Variants in CDK17 observed in about 807,000 individuals in gnomAD.
CDK17 encodes cyclin dependent kinase 17, also known as cyclin-dependent kinase 17.
CDK17 carries 24 observed loss-of-function variants against 77.6 expected under a neutral mutation model. That is an observed-to-expected ratio of 0.31 (90% CI 0.22 to 0.44). CDK17 has a LOEUF of 0.44. Ranked by LOEUF, CDK17 falls within the 20% of genes least tolerant of loss-of-function variation. The probability of loss-of-function intolerance (pLI) is 1.00; values close to 1 mark genes in which losing one functional copy is unlikely to be tolerated. For synonymous variants in CDK17, 203 were observed against 210.4 expected, an observed-to-expected ratio of 0.96 and a Z score of 0.30; for missense variants, 429 against 622.5, an observed-to-expected ratio of 0.69 and a Z score of 3.31.
chr12:96,296,251 T>C (rs1209151048), intron 9 of CDK17, among the ~76,000 whole-genome samples: 1 of 152,096 alleles, frequency 6.6e-6, no homozygotes, highest in Non-Finnish European at 1.5e-5. Flanking sequence ...ATTTTCAAAT[T>C]ATTGCCAATA....
At chr12:96,304,304 C>T (rs796373009) in intron 5 of CDK17, among the ~76,000 whole-genome samples, 6 of 152,164 alleles carry the variant, frequency 3.9e-5, no homozygotes, top group African/African-American at 9.6e-5. Context: ...TTTCGGAGGC[C>T]GAGAAGGGCG....
chr12:96,353,629 T>C (rs1338145292), intron 1 of CDK17, among the ~76,000 whole-genome samples: 1 of 150,282 alleles, frequency 6.7e-6, no homozygotes, highest in African/African-American at 2.4e-5. Context: ...GGTACAAATA[T>C]TTTAGTATTA....
At chr12:96,339,804 C>A (rs1364978385) in intron 1 of CDK17, among the ~76,000 whole-genome samples, 1 of 151,834 alleles carries the variant, frequency 6.6e-6, no homozygotes, top group African/African-American at 2.4e-5. Context: ...GTGGTGCACG[C>A]CTGTAATCCT....
chr12:96,283,449 T>G (rs371487181), intron 14 of CDK17, among the ~76,000 whole-genome samples, 154 bp downstream of exon 14: 2 of 19,536 alleles, frequency 1.0e-4, no homozygotes, highest in African/African-American at 8.1e-4. Flanking sequence ...GAAACCATGT[T>G]TTTTTTTTTT....
intron 5 of CDK17, among the ~76,000 whole-genome samples, chr12:96,304,320 T>C (rs1192497334): frequency 1.3e-5 from 2 of 152,154 alleles, no homozygotes; most frequent in African/African-American, 4.8e-5. Context: ...GGGCGGATCA[T>C]GAGGTCAGGA....
intron 1 of CDK17, among the ~76,000 whole-genome samples, chr12:96,372,166 A>C (rs2137209861): frequency 6.6e-6 from 1 of 152,290 alleles, no homozygotes; most frequent in Non-Finnish European, 1.5e-5. Context: ...TATAAGACAA[A>C]TTCTACTAAG....
intron 1 of CDK17, among the ~76,000 whole-genome samples, chr12:96,369,818 C>G (rs909070975): frequency 6.8e-6 from 1 of 148,038 alleles, no homozygotes; most frequent in Non-Finnish European, 1.5e-5. Context: ...CGGTGGCTCA[C>G]GCCTGTAATC....
chr12:96,336,142 AT>A (rs1339726397), intron 1 of CDK17, among the ~76,000 whole-genome samples: 1 of 152,092 alleles, frequency 6.6e-6, no homozygotes, highest in Non-Finnish European at 1.5e-5. Flanking sequence ...ATAATTTTAT[AT>A]TTTACTACTT....
intron 1 of CDK17, among the ~76,000 whole-genome samples, chr12:96,378,939 C>T (rs7307534): frequency 0.63 from 95,582 of 152,006 alleles, 30,769 homozygotes; most frequent in East Asian, 0.83. Flanking sequence ...AATAAGACTT[C>T]GTGTACATCT....
At chr12:96,286,169 AAATAT>A (rs1952244470) in intron 12 of CDK17, 21 bp from the exon 13 acceptor site, 1 of 674,914 alleles carries the variant, frequency 1.5e-6, no homozygotes, top group Admixed American at 3.3e-5. Flanking sequence ...AAAAAAAATT[AAATAT>A]ATTTATAAAT....
chr12:96,381,820 A>T (rs947278735), intron 1 of CDK17, among the ~76,000 whole-genome samples: 23 of 152,170 alleles, frequency 1.5e-4, no homozygotes, highest in African/African-American at 4.1e-4. Flanking sequence ...AGAAAAAATT[A>T]AAAAAAGAAG....
intron 1 of CDK17, among the ~76,000 whole-genome samples, chr12:96,386,216 A>ACC (rs1953971852): frequency 6.6e-6 from 1 of 152,176 alleles, no homozygotes; most frequent in Non-Finnish European, 1.5e-5. Context: ...GGCTTGTCTT[A>ACC]AACACCTGGG....
intron 1 of CDK17, among the ~76,000 whole-genome samples, chr12:96,346,177 G>A (rs2137162465): frequency 6.6e-6 from 1 of 152,258 alleles, no homozygotes; most frequent in South Asian, 2.1e-4. Flanking sequence ...AATTGGCCAG[G>A]TGCAGTGGCT....
intron 5 of CDK17, among the ~76,000 whole-genome samples, chr12:96,301,456 G>A (rs1228084468): frequency 1.3e-5 from 2 of 151,990 alleles, no homozygotes; most frequent in African/African-American, 4.8e-5. Flanking sequence ...AGGAAAATTT[G>A]TTTTTAGATA....
chr12:96,340,691 C>CA (rs1953109504), intron 1 of CDK17, among the ~76,000 whole-genome samples: 1 of 152,182 alleles, frequency 6.6e-6, no homozygotes, highest in Admixed American at 6.5e-5. Context: ...CTACTACTTA[C>CA]ACTGGCTTTA....
intron 1 of CDK17, among the ~76,000 whole-genome samples, chr12:96,360,359 A>T (rs1287691658): frequency 6.6e-6 from 1 of 152,180 alleles, no homozygotes; most frequent in Non-Finnish European, 1.5e-5. Context: ...GTTTTACAAG[A>T]GCTGGTAAGA....
At chr12:96,335,858 G>A (rs894283858) in intron 1 of CDK17, among the ~76,000 whole-genome samples, 1 of 152,118 alleles carries the variant, frequency 6.6e-6, no homozygotes. Context: ...TCTATGATGA[G>A]CTGGCTTACC....
At chr12:96,299,371 A>C (rs1229515430) in intron 6 of CDK17, among the ~76,000 whole-genome samples, 1 of 149,158 alleles carries the variant, frequency 6.7e-6, no homozygotes, top group East Asian at 2.0e-4. Flanking sequence ...CATAATGTAC[A>C]TATTGTTAAA....
At chr12:96,390,755 C>T (rs1954055017) in intron 1 of CDK17, among the ~76,000 whole-genome samples, 1 of 146,804 alleles carries the variant, frequency 6.8e-6, no homozygotes, top group Non-Finnish European at 1.5e-5. Flanking sequence ...AAAAAAAATC[C>T]TTCAAGTTTA....
Sources: allele counts gnomAD v4.1 joint callset (sites outside exome capture counted in the v4.1 genomes callset), GRCh38; gene constraint gnomAD v4.1.1; transcripts MANE v1.5; gene names NCBI Gene and HGNC (gene_info 2026-07-23, HGNC 2026-07-21).